SMARCA2: variants seen among roughly 807,000 people sequenced by gnomAD.
SMARCA2 encodes SWI/SNF-related matrix-associated actin-dependent regulator of chromatin subfamily A member 2.
Under a neutral mutation model 199.8 loss-of-function variants are expected in SMARCA2, and 61 were observed. The ratio of observed to expected loss-of-function variants is 0.31; its 90% CI spans 0.25 to 0.38. SMARCA2 has a LOEUF of 0.38. SMARCA2 is among the 10% of genes least tolerant of loss of function. The pLI is 1.00. For synonymous variants in SMARCA2, 935 were observed against 732.0 expected (o/e 1.28, Z -4.48); for missense variants, 1,344 against 2,012.2 (o/e 0.67, Z 6.35).
chr9:2,079,671 T>G (rs958126712), intron 14 of SMARCA2, among the ~76,000 whole-genome samples: 1 of 152,218 alleles, frequency 6.6e-6, no homozygotes, highest in Non-Finnish European at 1.5e-5. Flanking sequence ...CTTAGTAAGA[T>G]CATGTTTTCT....
chr9:2,135,343 A>G (rs1824146977), intron 27 of SMARCA2, among the ~76,000 whole-genome samples: 1 of 152,210 alleles, frequency 6.6e-6, no homozygotes, highest in African/African-American at 2.4e-5. Flanking sequence ...GTAGATTAAA[A>G]TGCAAATCTC....
chr9:2,129,307 G>A (rs6475517), intron 27 of SMARCA2, among the ~76,000 whole-genome samples: 43,900 of 151,790 alleles, frequency 0.29, 11,554 homozygotes, highest in African/African-American at 0.7. Flanking sequence ...AGTCCCAGCT[G>A]CTTGGGAGGC....
chr9:2,078,855 G>T (rs2130451311), intron 14 of SMARCA2, among the ~76,000 whole-genome samples: 1 of 152,138 alleles, frequency 6.6e-6, no homozygotes, highest in South Asian at 2.1e-4. Context: ...TGAGGCGGGA[G>T]AATGGCGTGA....
chr9:2,063,840 T>G (rs1355666245), intron 9 of SMARCA2, among the ~76,000 whole-genome samples: 1 of 152,148 alleles, frequency 6.6e-6, no homozygotes, highest in African/African-American at 2.4e-5. Flanking sequence ...TAGGTTTCCT[T>G]TAACATGTTA....
intron 9 of SMARCA2, among the ~76,000 whole-genome samples, chr9:2,067,594 A>C (rs1820901113): frequency 6.6e-6 from 1 of 152,224 alleles, no homozygotes; most frequent in Non-Finnish European, 1.5e-5. Flanking sequence ...GGAAGCAGGC[A>C]CTGTTTGTTA....
At position 2,081,834 on chromosome 9, in the gene SMARCA2, C is replaced by T. The variant is rs929774909; in HGVS notation, c.2187C>T (p.Leu729=). 2 of 1,613,768 alleles carry T rather than the reference C, an allele frequency of 1.2e-6. No individual in the cohort carries two copies. The highest frequency in any genetic ancestry group is 1.3e-5 in the African/African-American group (1 of 75,002). Residue 729 remains leucine, a splice_region_variant and synonymous_variant, in exon 15 of 34, where the codon CTC becomes CTT. Coordinates refer to ENST00000349721, the MANE Select transcript of SMARCA2 (RefSeq NM_003070.5). ...LINGTLKHYQ[L]QGLEWMVSLY... is the part of the protein sequence containing the mutation. Reference sequence around the variant, plus strand: ...GAAGCAATTACTCTTCATTTCAGCTCCAGGGCCTGGAATGGATGGTTTCCC... The same window carrying T: ...GAAGCAATTACTCTTCATTTCAGCTTCAGGGCCTGGAATGGATGGTTTCCC...
Position 2,070,756 on chromosome 9 carries a change from G to A in SMARCA2, c.1746+285G>A, listed in dbSNP as rs566388449. On this transcript the variant is annotated intron_variant, in intron 10 of 33. Transcript: ENST00000349721. ...TCGTATGTTTACAAATATATAGGAT[G>A]TGTAAGAATCTTAAATGATTCTATA... Among the ~76,000 whole-genome samples the A allele has an allele frequency of 3.9e-5, 6 of 152,302 alleles. No individual in the cohort carries two copies. The East Asian group carries it at 7.7e-4, about 20-fold the overall frequency.
At chr9:2,031,902 GAAAT>G (rs904922773) in intron 2 of SMARCA2, among the ~76,000 whole-genome samples, 11 of 152,078 alleles carry the variant, frequency 7.2e-5, no homozygotes, top group African/African-American at 2.4e-4. Context: ...AACATTACTG[GAAAT>G]AAATAAACAA....
At chr9:2,081,338 C>T (rs1821558332) in intron 14 of SMARCA2, among the ~76,000 whole-genome samples, 1 of 152,184 alleles carries the variant, frequency 6.6e-6, no homozygotes, top group African/African-American at 2.4e-5. Context: ...TTCTCTCTGC[C>T]AGGAAGAGAA....
At chr9:2,111,409 T>G (rs1822991368) in intron 24 of SMARCA2, among the ~76,000 whole-genome samples, 1 of 151,132 alleles carries the variant, frequency 6.6e-6, no homozygotes, top group Non-Finnish European at 1.5e-5. Context: ...GGAGGATTGT[T>G]TGAGTCTGGG....
At chr9:2,090,154 A>G (rs796553294) in intron 19 of SMARCA2, among the ~76,000 whole-genome samples, 2 of 152,318 alleles carry the variant, frequency 1.3e-5, no homozygotes, top group African/African-American at 4.8e-5. Context: ...CTTTACAAAA[A>G]TATTTATTTT....
chr9:2,159,201 C>G (rs879158719), intron 27 of SMARCA2, among the ~76,000 whole-genome samples: 5 of 152,218 alleles, frequency 3.3e-5, no homozygotes, highest in South Asian at 4.1e-4. Flanking sequence ...GTAGAAATAT[C>G]CTTTTTACAA....
intron 9 of SMARCA2, among the ~76,000 whole-genome samples, chr9:2,067,025 A>G (rs1820871635): frequency 6.6e-6 from 1 of 152,230 alleles, no homozygotes; most frequent in Non-Finnish European, 1.5e-5. Context: ...ATCAAACTGA[A>G]GGAATCCAAA....
rs540604742 is a variant in SMARCA2, at chr9:2,050,545, G to A, written c.1046+3061G>A. ...TGTCTGAATTATATCAGCCCTCTTCGGAATAAAGTCAGACTTTAGTATGAA... is the reference window on the plus strand; with the variant it reads ...TGTCTGAATTATATCAGCCCTCTTCAGAATAAAGTCAGACTTTAGTATGAA... On this transcript the variant is annotated intron_variant, in intron 5 of 33. Coordinates refer to ENST00000349721, the MANE Select transcript of SMARCA2 (RefSeq NM_003070.5). Among the ~76,000 whole-genome samples the A allele has an allele frequency of 1.3e-3, 201 of 152,118 alleles. 1 individual carries two copies. The highest frequency in any genetic ancestry group is 4.7e-3 in the Admixed American group (72 of 15,280).
At position 2,087,089 on chromosome 9, in the gene SMARCA2, G is replaced by GT; in HGVS notation, c.2769+24dup. The GT allele has an allele frequency of 6.2e-7, 1 of 1,613,670 alleles. No individual in the cohort carries two copies. The highest frequency in any genetic ancestry group is 2.2e-5 in the East Asian group (1 of 44,882). ...GTGAAAGGGTACTGGTCTGAGTTCT[G>GT]TTTTTTCCACTGCATGATAATGACA... On this transcript the variant is annotated intron_variant, in intron 18 of 33. Transcript: ENST00000349721.
At chr9:2,078,526 AG>A (rs1386354049) in intron 14 of SMARCA2, among the ~76,000 whole-genome samples, 1 of 152,066 alleles carries the variant, frequency 6.6e-6, no homozygotes, top group Non-Finnish European at 1.5e-5. Context: ...ATTAAAAATT[AG>A]GCCATTGTTT....
intron 27 of SMARCA2, among the ~76,000 whole-genome samples, chr9:2,134,872 C>A (rs1480718738): frequency 2.0e-5 from 3 of 152,150 alleles, no homozygotes; most frequent in African/African-American, 7.2e-5. Flanking sequence ...AGGGCTCTCA[C>A]AGAATCCAAT....
chr9:2,167,772 G>T (rs1302326150), intron 28 of SMARCA2, among the ~76,000 whole-genome samples: 1 of 152,134 alleles, frequency 6.6e-6, no homozygotes, highest in Non-Finnish European at 1.5e-5. Flanking sequence ...TTCATTGTTT[G>T]CTTATTTCCA....
chr9:2,151,701 C>G (rs1419447733), intron 27 of SMARCA2, among the ~76,000 whole-genome samples: 1 of 151,980 alleles, frequency 6.6e-6, no homozygotes, highest in Non-Finnish European at 1.5e-5. Context: ...CCACTGCATT[C>G]CAGCCTGGGT....
Sources: gnomAD v4.1 joint callset for allele counts (sites outside exome capture counted in the v4.1 genomes callset) on GRCh38, gnomAD v4.1.1 for gene constraint, MANE v1.5 for transcripts, NCBI Gene and HGNC (gene_info 2026-07-23, HGNC 2026-07-21) for gene names.